Variants in PAPSS2 observed in about 807,000 individuals in gnomAD.
The protein encoded by PAPSS2 is 3'-phosphoadenosine 5'-phosphosulfate synthase 2, also known as bifunctional 3'-phosphoadenosine 5'-phosphosulfate synthase 2.
A neutral mutation model predicts 66.5 loss-of-function variants in PAPSS2; 61 were observed. That is an observed-to-expected ratio of 0.92 (90% CI 0.75 to 1.14). The LOEUF is 1.14. PAPSS2 is among the 50% of genes most tolerant of loss of function. The probability of loss-of-function intolerance (pLI) is 0.00; values close to 1 mark genes in which losing one functional copy is unlikely to be tolerated. For missense variants in PAPSS2, 708 were observed against 789.6 expected (o/e 0.90, Z 1.24); for synonymous variants, 289 against 287.5 (o/e 1.01, Z -0.05).
intron 1 of PAPSS2, among the ~76,000 whole-genome samples, chr10:87,668,233 TGG>T (rs1852836983): frequency 6.6e-6 from 1 of 152,246 alleles, no homozygotes; most frequent in African/African-American, 2.4e-5. Context: ...GGCCCTCTGC[TGG>T]GGGTCCCATG....
chr10:87,724,851 T>TATACACACACACACACACACAC, intron 8 of PAPSS2, among the ~76,000 whole-genome samples: 1 of 138,340 alleles, frequency 7.2e-6, no homozygotes, highest in East Asian at 2.1e-4. Flanking sequence ...TCTCTGTCTA[T>TATACACACACACACACACACAC]ACACACACAC....
At chr10:87,699,950 C>A (rs995306636) in intron 1 of PAPSS2, among the ~76,000 whole-genome samples, 22 of 151,940 alleles carry the variant, frequency 1.4e-4, no homozygotes, top group Non-Finnish European at 2.5e-4. Flanking sequence ...AAAATAGTTA[C>A]CTAAAATGAC....
intron 1 of PAPSS2, among the ~76,000 whole-genome samples, chr10:87,670,165 A>G (rs1420481572): frequency 6.6e-6 from 1 of 152,276 alleles, no homozygotes; most frequent in African/African-American, 2.4e-5. Flanking sequence ...TGTATGGGTA[A>G]TAGTTTTTAT....
intron 9 of PAPSS2, among the ~76,000 whole-genome samples, chr10:87,735,215 T>C (rs566890844): frequency 1.3e-5 from 2 of 152,300 alleles, no homozygotes; most frequent in South Asian, 4.1e-4. Context: ...GCAGAGCCTC[T>C]GGATCTCCCT....
At chr10:87,677,813 A>G (rs1018087567) in intron 1 of PAPSS2, among the ~76,000 whole-genome samples, 40 of 152,330 alleles carry the variant, frequency 2.6e-4, no homozygotes, top group African/African-American at 9.1e-4. Context: ...ATGTACTTTG[A>G]ACCACTCTCT....
chr10:87,743,679 A>T (rs1413360732), intron 11 of PAPSS2, 38 bp downstream of exon 11: 1 of 1,612,084 alleles, frequency 6.2e-7, no homozygotes, highest in Non-Finnish European at 8.5e-7. Context: ...AGACTCAGGA[A>T]TTCAGACTCA....
chr10:87,745,379 A>T (rs1853925317), intron 12 of PAPSS2, 148 bp downstream of exon 12: 5 of 684,568 alleles, frequency 7.3e-6, no homozygotes, highest in East Asian at 5.4e-5. Flanking sequence ...TGGTCTTATA[A>T]ATTTTATGTC....
At chr10:87,686,927 C>T (rs979649080) in intron 1 of PAPSS2, among the ~76,000 whole-genome samples, 3 of 151,958 alleles carry the variant, frequency 2.0e-5, no homozygotes, top group Admixed American at 6.6e-5. Flanking sequence ...AGAAATAAAC[C>T]CTTAGTAGGA....
chr10:87,714,649 G>GT, intron 4 of PAPSS2, 96 bp from the exon 5 acceptor site: 1 of 837,864 alleles, frequency 1.2e-6, no homozygotes. Context: ...TGAATTTTCA[G>GT]TTTAATACAT....
chr10:87,743,327 C>T (rs371017980), intron 10 of PAPSS2, 46 bp from the exon 11 acceptor site: 1 of 1,592,186 alleles, frequency 6.3e-7, no homozygotes. Flanking sequence ...GGAGAAATGA[C>T]ACCATGTGTT....
At chr10:87,683,127 G>A (rs1052446929) in intron 1 of PAPSS2, among the ~76,000 whole-genome samples, 1 of 89,666 alleles carries the variant, frequency 1.1e-5, no homozygotes, top group African/African-American at 4.6e-5. Context: ...GTCTTGGTTT[G>A]TCCCCTAGGC....
chr10:87,699,926 T>C (rs1308215780), intron 1 of PAPSS2, among the ~76,000 whole-genome samples: 1 of 151,866 alleles, frequency 6.6e-6, no homozygotes, highest in Non-Finnish European at 1.5e-5. Flanking sequence ...AACTAGAATA[T>C]AGAGAAGAGA....
Position 87,745,104 on chromosome 10 carries a change from T to C in PAPSS2, c.1594T>C (p.Tyr532His). The C allele has an allele frequency of 2.5e-6, 4 of 1,614,114 alleles. No homozygotes were observed. Among genetic ancestry groups the C allele is most frequent in the Non-Finnish European group, 3.4e-6 (4 of 1,179,988 alleles). Reference sequence around the variant, plus strand: ...CCATCCTGAAACCAAGAAGGATCTGTATGAACCCACTCATGGGGGCAAGGT... The same window carrying C: ...CCATCCTGAAACCAAGAAGGATCTGCATGAACCCACTCATGGGGGCAAGGT... ...MPHPETKKDL[Y>H]EPTHGGKVLS... The change falls in exon 12 of 13, where the codon TAT (tyrosine) becomes CAT (histidine). Residue 532 changes from tyrosine to histidine, a missense_variant. By Grantham distance (83) the Tyr-to-His change is moderately conservative. Coordinates refer to ENST00000456849, the MANE Select transcript of PAPSS2 (RefSeq NM_001015880.2).
chr10:87,736,460 G>A (rs576324104), intron 9 of PAPSS2, among the ~76,000 whole-genome samples: 241 of 151,924 alleles, frequency 1.6e-3, no homozygotes, highest in African/African-American at 5.3e-3. Context: ...TAGAGACAGG[G>A]TTTCACCATA....
At position 87,746,038 on chromosome 10, in the gene PAPSS2, C is replaced by T. The variant is rs994891877; in HGVS notation, c.*68C>T. Reference sequence around the variant, plus strand: ...CCTTTTCTATTTTTATGATTAGATGCTTTGTATTAAATTGCTTCTCAATGA... The same window carrying T: ...CCTTTTCTATTTTTATGATTAGATGTTTTGTATTAAATTGCTTCTCAATGA... On this transcript the variant is annotated 3_prime_UTR_variant, in exon 13 of 13. Coordinates refer to ENST00000456849, the MANE Select transcript of PAPSS2 (RefSeq NM_001015880.2). 2.9e-5 allele frequency: 43 copies of T among 1,469,374 alleles called. No homozygotes were observed. Among genetic ancestry groups the T allele is most frequent in the Non-Finnish European group, 3.9e-5 (41 of 1,051,562 alleles). 91.0% of individuals were successfully genotyped at this position (1,469,374 alleles called of 1,614,324 possible).
chr10:87,729,938 C>T (rs7073722), intron 9 of PAPSS2, among the ~76,000 whole-genome samples: 79,248 of 151,418 alleles, frequency 0.52, 21,989 homozygotes, highest in East Asian at 0.74. Context: ...GGAGGTTGCA[C>T]TGAGCCGAGG....
intron 1 of PAPSS2, among the ~76,000 whole-genome samples, chr10:87,684,576 T>C (rs1337834457): frequency 6.6e-6 from 1 of 152,228 alleles, no homozygotes; most frequent in Non-Finnish European, 1.5e-5. Flanking sequence ...TGTGTACTCT[T>C]CTGTGTTTGT....
chr10:87,725,099 A>G (rs559148479), intron 8 of PAPSS2, among the ~76,000 whole-genome samples: 44 of 152,194 alleles, frequency 2.9e-4, no homozygotes, highest in Non-Finnish European at 5.7e-4. Context: ...AGGGTACTCT[A>G]CTTTACTCAA....
intron 1 of PAPSS2, among the ~76,000 whole-genome samples, chr10:87,663,496 CA>C (rs1376762070): frequency 6.6e-6 from 1 of 152,080 alleles, no homozygotes; most frequent in Non-Finnish European, 1.5e-5. Context: ...GAAGGAGGGA[CA>C]AAAAGCATTT....
Sources: gnomAD v4.1 joint callset for allele counts (sites outside exome capture counted in the v4.1 genomes callset) on GRCh38, gnomAD v4.1.1 for gene constraint, MANE v1.5 for transcripts, NCBI Gene and HGNC (gene_info 2026-07-23, HGNC 2026-07-21) for gene names.